The following SPOCK3 variants were observed in gnomAD, a reference collection of about 807,000 sequenced individuals.
SPOCK3 encodes the protein SPARC (osteonectin), cwcv and kazal like domains proteoglycan 3, also known as testican-3.
SPOCK3 carries 30 observed loss-of-function variants against 56.6 expected under a neutral mutation model. The ratio of observed to expected loss-of-function variants is 0.53; its 90% confidence interval spans 0.40 to 0.72. SPOCK3 has a LOEUF of 0.72. Among genes scored for constraint, SPOCK3 ranks in the 30% least tolerant of loss-of-function variants. SPOCK3 has a pLI of 0.00. For synonymous variants in SPOCK3, 196 were observed against 183.3 expected (o/e 1.07, Z -0.56); for missense variants, 527 against 530.0 (o/e 0.99, Z 0.06).
intron 2 of SPOCK3, among the ~76,000 whole-genome samples, chr4:167,203,110 C>T (rs1175485574): frequency 6.6e-6 from 1 of 151,830 alleles, no homozygotes; most frequent in Non-Finnish European, 1.5e-5. Flanking sequence ...TTCTTTTCAG[C>T]TATTAATGAA....
intron 9 of SPOCK3, among the ~76,000 whole-genome samples, chr4:166,739,588 A>G (rs1261902983): frequency 3.3e-5 from 5 of 152,120 alleles, no homozygotes; most frequent in Admixed American, 2.0e-4. Flanking sequence ...CTATGGCACA[A>G]TGCTCATGAT....
intron 6 of SPOCK3, among the ~76,000 whole-genome samples, chr4:166,814,164 A>G (rs1744144665): frequency 1.3e-5 from 2 of 152,090 alleles, no homozygotes; most frequent in African/African-American, 4.8e-5. Context: ...CTTCTCATCA[A>G]ACAACGGCAA....
chr4:166,859,937 G>A (rs913149569), intron 6 of SPOCK3, among the ~76,000 whole-genome samples: 1 of 152,038 alleles, frequency 6.6e-6, no homozygotes, highest in Admixed American at 6.6e-5. Flanking sequence ...TCGGTGACAA[G>A]AGCAAATATT....
chr4:167,187,875 T>TA (rs1732142801), intron 2 of SPOCK3, among the ~76,000 whole-genome samples: 1 of 152,112 alleles, frequency 6.6e-6, no homozygotes, highest in Non-Finnish European at 1.5e-5. Flanking sequence ...TATTGTGCCT[T>TA]AGATAATGTA....
intron 6 of SPOCK3, among the ~76,000 whole-genome samples, chr4:166,834,334 C>T (rs1443670008): frequency 6.6e-6 from 1 of 152,196 alleles, no homozygotes; most frequent in Non-Finnish European, 1.5e-5. Context: ...CTTTTTCTCA[C>T]ACGCTTTGCC....
intron 5 of SPOCK3, among the ~76,000 whole-genome samples, chr4:166,902,683 A>G (rs1736182395): frequency 6.6e-6 from 1 of 151,722 alleles, no homozygotes; most frequent in African/African-American, 2.4e-5. Flanking sequence ...TACATAATAC[A>G]TATACATGTA....
At chr4:167,175,197 C>T (rs1423730316) in intron 2 of SPOCK3, among the ~76,000 whole-genome samples, 4 of 152,046 alleles carry the variant, frequency 2.6e-5, no homozygotes, top group African/African-American at 9.7e-5. Context: ...GTTTTTAGAA[C>T]TGCTAAATTG....
chr4:167,143,495 T>C (rs1381269306), intron 2 of SPOCK3, among the ~76,000 whole-genome samples: 1 of 151,978 alleles, frequency 6.6e-6, no homozygotes, highest in Non-Finnish European at 1.5e-5. Flanking sequence ...TTCCCTCTCA[T>C]CCTGGATAAC....
intron 4 of SPOCK3, among the ~76,000 whole-genome samples, chr4:166,997,008 T>C (rs1035052006): frequency 6.6e-6 from 1 of 152,162 alleles, no homozygotes; most frequent in Non-Finnish European, 1.5e-5. Context: ...AATGTGCCTT[T>C]CAGGGATATG....
chr4:167,150,755 G>A (rs1168284885), intron 2 of SPOCK3, among the ~76,000 whole-genome samples: 2 of 152,124 alleles, frequency 1.3e-5, no homozygotes, highest in African/African-American at 2.4e-5. Flanking sequence ...TTGCGTCAGC[G>A]TGAATATACT....
intron 5 of SPOCK3, among the ~76,000 whole-genome samples, chr4:166,893,718 A>G (rs909154241): frequency 1.5e-4 from 23 of 152,256 alleles, no homozygotes; most frequent in African/African-American, 5.3e-4. Flanking sequence ...TCAAGTGAAA[A>G]ACAAATCAGA....
At chr4:166,747,463 T>A (rs951657800) in intron 8 of SPOCK3, among the ~76,000 whole-genome samples, 4 of 152,142 alleles carry the variant, frequency 2.6e-5, no homozygotes, top group African/African-American at 7.2e-5. Context: ...CTCAATAAAC[T>A]AGCTATTGAT....
At chr4:166,773,432 TTC>T (rs1195225467) in intron 7 of SPOCK3, among the ~76,000 whole-genome samples, 15 of 151,996 alleles carry the variant, frequency 9.9e-5, no homozygotes, top group Non-Finnish European at 2.1e-4. Flanking sequence ...AAGTAACTGT[TTC>T]TTTTAACTTA....
intron 4 of SPOCK3, among the ~76,000 whole-genome samples, chr4:166,922,543 C>T (rs144275472): frequency 1.6e-4 from 25 of 152,256 alleles, no homozygotes; most frequent in African/African-American, 5.1e-4. Flanking sequence ...TCACACTCCC[C>T]TAATTCTGAG....
intron 2 of SPOCK3, among the ~76,000 whole-genome samples, chr4:167,160,109 T>C (rs112199161): frequency 6.6e-6 from 1 of 152,164 alleles, no homozygotes; most frequent in African/African-American, 2.4e-5. Context: ...TTGTCCCTGT[T>C]TGCAGATGAC....
intron 5 of SPOCK3, among the ~76,000 whole-genome samples, chr4:166,899,670 C>A (rs990364516): frequency 2.0e-5 from 3 of 152,012 alleles, no homozygotes; most frequent in Non-Finnish European, 4.4e-5. Context: ...GCACACGCCA[C>A]CATGCCCGTC....
Position 167,234,182 on chromosome 4 carries a change from G to C in SPOCK3, c.1-9C>G, listed in dbSNP as rs747796951. 1.2e-6 allele frequency: 2 copies of C among 1,612,812 alleles called. No homozygotes were observed. Among genetic ancestry groups the C allele is most frequent in the African/African-American group, 1.3e-5 (1 of 74,956 alleles). On this transcript the variant is annotated splice_polypyrimidine_tract_variant and intron_variant, in intron 1 of 10. Coordinates refer to ENST00000357545, the MANE Select transcript of SPOCK3 (RefSeq NM_001040159.2). ...GCTGACACCTTGAGCATCTGGGAGAGGAGACACAACGGGGGGTGGGGGGGC... is the reference window on the plus strand; with the variant it reads ...GCTGACACCTTGAGCATCTGGGAGACGAGACACAACGGGGGGTGGGGGGGC...
intron 2 of SPOCK3, among the ~76,000 whole-genome samples, chr4:167,121,066 A>G (rs1272904460): frequency 6.6e-6 from 1 of 151,928 alleles, no homozygotes; most frequent in Non-Finnish European, 1.5e-5. Context: ...ATTCAACAGC[A>G]CTGAAAAGTT....
chr4:166,873,222 A>G (rs1560957683), intron 6 of SPOCK3, among the ~76,000 whole-genome samples: 1 of 151,894 alleles, frequency 6.6e-6, no homozygotes, highest in African/African-American at 2.4e-5. Flanking sequence ...AAAAAAAAAA[A>G]CATCAGTGGT....
Sources: allele counts gnomAD v4.1 joint callset (sites outside exome capture counted in the v4.1 genomes callset), GRCh38; gene constraint gnomAD v4.1.1; transcripts MANE v1.5; gene names NCBI Gene and HGNC (gene_info 2026-07-23, HGNC 2026-07-21).